FOXJ2: variants seen among roughly 807,000 people sequenced by gnomAD.
The protein encoded by FOXJ2 is forkhead box J2.
A neutral mutation model predicts 68.4 loss-of-function variants in FOXJ2; 18 were observed. The ratio of observed to expected loss-of-function variants is 0.26; its 90% CI spans 0.18 to 0.39. The LOEUF is 0.39. FOXJ2 is among the 10% of genes least tolerant of loss of function. The probability of loss-of-function intolerance (pLI) is 1.00; values close to 1 mark genes in which losing one functional copy is unlikely to be tolerated. For synonymous variants in FOXJ2, 274 were observed against 263.2 expected, an observed-to-expected ratio of 1.04 and a Z score of -0.40; for missense variants, 670 against 726.5, an observed-to-expected ratio of 0.92 and a Z score of 0.89.
At chr12:8,048,414 T>G in intron 7 of FOXJ2, 125 bp downstream of exon 7, 1 of 1,426,394 alleles carries the variant, frequency 7.0e-7, no homozygotes, top group Admixed American at 2.6e-5. Context: ...CTCCTTCATG[T>G]GAGCTAATCT....
chr12:8,040,211 C>A lies in FOXJ2; in HGVS notation c.333+46C>A, dbSNP rs749748296. Reference sequence around the variant, plus strand: ...TTGGCTTAGGTTTAGGCTTCAACAGCCTTTTTAGAGAAAAAGGTTTTGTTT... The same window carrying A: ...TTGGCTTAGGTTTAGGCTTCAACAGACTTTTTAGAGAAAAAGGTTTTGTTT... On this transcript the variant is annotated intron_variant, in intron 2 of 10. Transcript: ENST00000162391. This position sits in a 1 kb window ranked among gnomAD's most constrained non-coding sequence, Gnocchi z 4.0. The A allele has an allele frequency of 3.2e-6, 5 of 1,568,170 alleles. No homozygotes were observed. Among genetic ancestry groups the A allele is most frequent in the Non-Finnish European group, 4.4e-6 (5 of 1,149,034 alleles).
rs117083578 is a variant in FOXJ2 at position 8,050,488 on chromosome 12, C to A, written c.1538-34C>A. The A allele has an allele frequency of 1.6e-3, 2,517 of 1,601,950 alleles. 47 individuals are homozygous for A. The East Asian group carries it at 0.035, about 22-fold the overall frequency. On this transcript the variant is annotated intron_variant, in intron 9 of 10. Transcript: ENST00000162391. Reference sequence around the variant, plus strand: ...TTGTTGAGTACAGTGACCCGCCCCCCCCAACTCAAGTAACTCTTGTCTTGC... The same window carrying A: ...TTGTTGAGTACAGTGACCCGCCCCCACCAACTCAAGTAACTCTTGTCTTGC...
chr12:8,044,247 G>GAA (rs1323818951), intron 5 of FOXJ2, among the ~76,000 whole-genome samples, 156 bp downstream of exon 5: 1 of 152,136 alleles, frequency 6.6e-6, no homozygotes, highest in Non-Finnish European at 1.5e-5. Context: ...GAGAGAGAGA[G>GAA]AAATAGAAAG....
At chr12:8,034,106 G>T (rs1457300447) in intron 1 of FOXJ2, among the ~76,000 whole-genome samples, 1 of 152,166 alleles carries the variant, frequency 6.6e-6, no homozygotes, top group African/African-American at 2.4e-5. Flanking sequence ...TGAGGAAAAG[G>T]GTTATCGGAA....
Position 8,052,952 on chromosome 12 carries a change from C to A in FOXJ2, c.*102C>A. ...TCCCTTCCCCCCGTCTGTATATAGA[C>A]ATATATCCTCTTTTTGTTCTTTCTC... On this transcript the variant is annotated 3_prime_UTR_variant, in exon 11 of 11. Coordinates refer to ENST00000162391, the MANE Select transcript of FOXJ2 (RefSeq NM_018416.3). 5.6e-6 allele frequency: 4 copies of A among 720,404 alleles called. No individual in the cohort carries two copies. Among genetic ancestry groups the A allele is most frequent in the Non-Finnish European group, 9.2e-6 (4 of 437,040 alleles). 44.6% of individuals were successfully genotyped at this position (720,404 alleles called of 1,614,324 possible). A position where few individuals can be genotyped will look rare whatever the true frequency, so the allele number is the denominator to read the frequency against.
chr12:8,045,258 G>A (rs1207774097), intron 6 of FOXJ2, among the ~76,000 whole-genome samples: 1 of 144,262 alleles, frequency 6.9e-6, no homozygotes, highest in African/African-American at 2.6e-5. Context: ...CGCTCTTGTC[G>A]CCCAGGCTGG....
rs1565626396 is a variant in FOXJ2 at position 8,035,323 on chromosome 12, G to A, written c.-15+1490G>A. Among the ~76,000 whole-genome samples, 1 of 152,130 alleles carries A rather than the reference G, an allele frequency of 6.6e-6. No individual in the cohort carries two copies. Among genetic ancestry groups the A allele is most frequent in the African/African-American group, 2.4e-5 (1 of 41,414 alleles). ...CAAGGACATGGATAGGTGGTGGTAA[G>A]GATGGCCACCTGAGGGGAAAGGCTT... On this transcript the variant is annotated intron_variant, in intron 1 of 10. Coordinates refer to ENST00000162391, the MANE Select transcript of FOXJ2 (RefSeq NM_018416.3). The surrounding 1 kb of genome is among the most constrained non-coding windows in gnomAD (Gnocchi z 4.0).
chr12:8,052,051 A>G (rs936084477), intron 10 of FOXJ2, among the ~76,000 whole-genome samples: 12 of 151,660 alleles, frequency 7.9e-5, no homozygotes, highest in African/African-American at 2.4e-4. Context: ...ATTTTTTAGT[A>G]GAGACAGGGT....
Position 8,048,029 on chromosome 12 carries a change from C to T in FOXJ2, c.965C>T (p.Ala322Val). 1.9e-6 allele frequency: 3 copies of T among 1,613,974 alleles called. No individual in the cohort carries two copies. Among genetic ancestry groups the T allele is most frequent in the Non-Finnish European group, 2.5e-6 (3 of 1,179,924 alleles). Residue 322 changes from alanine (A) to valine (V), a missense_variant, in exon 7 of 11, where the codon GCA (alanine) becomes GTA (valine). Ala to Val is a moderately conservative substitution (Grantham distance 64). Around this residue, in one of 2 missense-constraint regions of FOXJ2, gnomAD observed 555 missense variants for 562.2 expected, o/e 0.99. Transcript: ENST00000162391. Reference sequence around the variant, plus strand: ...CAGTCCCAGCCACAGCAGCAGCAGGCACCTGCCCAGGGCCCCTCAGCTGTA... The same window carrying T: ...CAGTCCCAGCCACAGCAGCAGCAGGTACCTGCCCAGGGCCCCTCAGCTGTA... ...PQQSQPQQQQ[A>V]PAQGPSAVGG...
chr12:8,052,337 G>A (rs1227393945), intron 10 of FOXJ2, among the ~76,000 whole-genome samples: 2 of 151,630 alleles, frequency 1.3e-5, no homozygotes, highest in African/African-American at 4.8e-5. Flanking sequence ...TCCTGCTTCA[G>A]CCTCCCGAGT....
chr12:8,033,823 C>CGGG lies in FOXJ2; in HGVS notation c.-25_-24insGGG, dbSNP rs1946865900. The CGGG allele has an allele frequency of 6.5e-6, 1 of 152,716 alleles. No homozygotes were observed. Among genetic ancestry groups the CGGG allele is most frequent in the African/African-American group, 2.4e-5 (1 of 41,456 alleles). 9.5% of individuals were successfully genotyped at this position (152,716 alleles called of 1,614,324 possible). A position where few individuals can be genotyped will look rare whatever the true frequency, so the allele number is the denominator to read the frequency against. On this transcript the variant is annotated 5_prime_UTR_variant, in exon 1 of 11. Coordinates refer to ENST00000162391, the MANE Select transcript of FOXJ2 (RefSeq NM_018416.3). Reference sequence around the variant, plus strand: ...GGTTCCCTCCCTTTGCCGGAGGAACCTTGGAGACAGGTTAGTGCTTTCTTT... The same window carrying CGGG: ...GGTTCCCTCCCTTTGCCGGAGGAACCGGGTTGGAGACAGGTTAGTGCTTTCTTT...
intron 6 of FOXJ2, among the ~76,000 whole-genome samples, chr12:8,046,293 C>G (rs1194795425): frequency 1.3e-5 from 2 of 152,134 alleles, no homozygotes; most frequent in Non-Finnish European, 1.5e-5. Context: ...TGAAAAATTG[C>G]AAACAGATGC....
chr12:8,051,041 C>CTTCCCCTTCCCTTGCCCTTCCT (rs1565631618), intron 10 of FOXJ2, among the ~76,000 whole-genome samples: 3 of 132,746 alleles, frequency 2.3e-5, no homozygotes, highest in Non-Finnish European at 4.9e-5. Flanking sequence ...TTTCCTTCCC[C>CTTCCCCTTCCCTTGCCCTTCCT]TTCCCCTTCC....
Position 8,035,878 on chromosome 12 carries a change from A to T in FOXJ2, c.-15+2045A>T, listed in dbSNP as rs113804780. Among the ~76,000 whole-genome samples the T allele has an allele frequency of 1.4e-4, 22 of 152,274 alleles. No individual in the cohort carries two copies. Among genetic ancestry groups the T allele is most frequent in the African/African-American group, 5.3e-4 (22 of 41,540 alleles). On this transcript the variant is annotated intron_variant, in intron 1 of 10. Transcript: ENST00000162391. The surrounding 1 kb of genome is among the most constrained non-coding windows in gnomAD (Gnocchi z 4.0). ...TCCTTAGAGTCTTCCTGATCCTAGCATTAGCCAGTACTGGGTGATATTATC... is the reference window on the plus strand; with the variant it reads ...TCCTTAGAGTCTTCCTGATCCTAGCTTTAGCCAGTACTGGGTGATATTATC...
In FOXJ2 at chr12:8,043,768, A is replaced by C; in HGVS notation, c.476A>C (p.Asp159Ala). The stretch of plus-strand genomic sequence containing the variant: ...AAGAGAAGACACCCTCCAGATGATG[A>C]TGTAAGTTCCCAGCTCATGAGGAGA... Reference protein sequence around the residue: ...SRKRRHPPDDDLSQDSPEQEA... With the variant: ...SRKRRHPPDDALSQDSPEQEA... Residue 159 changes from aspartate (D) to alanine (A), a missense_variant and splice_region_variant, in exon 4 of 11, where the codon GAT becomes GCT. By Grantham distance (126) the Asp-to-Ala change is moderately radical. Coordinates refer to ENST00000162391, the MANE Select transcript of FOXJ2 (RefSeq NM_018416.3). 1.2e-6 allele frequency: 2 copies of C among 1,614,188 alleles called. No individual in the cohort carries two copies. Among genetic ancestry groups the C allele is most frequent in the Non-Finnish European group, 1.7e-6 (2 of 1,180,044 alleles).
chr12:8,041,304 C>A (rs34994807), intron 2 of FOXJ2, among the ~76,000 whole-genome samples: 42,659 of 151,610 alleles, frequency 0.28, 6,935 homozygotes, highest in Middle Eastern at 0.39. Flanking sequence ...TGGGTTCAAG[C>A]AATCCTCCTG....
intron 8 of FOXJ2, 135 bp downstream of exon 8, chr12:8,048,933 G>A: frequency 1.5e-6 from 1 of 666,762 alleles, no homozygotes; most frequent in Admixed American, 2.7e-5. Flanking sequence ...TTTTACACAA[G>A]ATGGATCATA....
chr12:8,044,704 T>C (rs1266506725), intron 5 of FOXJ2, 56 bp from the exon 6 acceptor site: 1 of 1,589,478 alleles, frequency 6.3e-7, no homozygotes, highest in Middle Eastern at 2.2e-4. Flanking sequence ...CATTGAAGGG[T>C]TTTATTGGTC....
intron 3 of FOXJ2, among the ~76,000 whole-genome samples, chr12:8,043,078 G>T (rs1424623806): frequency 6.6e-6 from 1 of 151,880 alleles, no homozygotes; most frequent in Non-Finnish European, 1.5e-5. Flanking sequence ...TTAGCCAGGC[G>T]TGGTGGTACA....
Sources: gnomAD v4.1 joint callset for allele counts (sites outside exome capture counted in the v4.1 genomes callset) on GRCh38, gnomAD v4.1.1 for gene constraint, gnomAD v4.1.1 regional missense constraint, Gnocchi (gnomAD v3.1) non-coding constraint, MANE v1.5 for transcripts, NCBI Gene and HGNC (gene_info 2026-07-23, HGNC 2026-07-21) for gene names.